NPAS3: variants seen among roughly 807,000 people sequenced by gnomAD.
NPAS3 encodes the protein neuronal PAS domain protein 3.
A neutral mutation model predicts 73.1 loss-of-function variants in NPAS3; 14 were observed. The ratio of observed to expected loss-of-function variants is 0.19; its 90% confidence interval spans 0.13 to 0.30. NPAS3 has a LOEUF of 0.30. Among genes scored for constraint, NPAS3 ranks in the 10% least tolerant of loss-of-function variants. NPAS3 has a pLI of 1.00. For missense variants in NPAS3, 1,096 were observed against 1,250.0 expected (o/e 0.88, Z 1.86); for synonymous variants, 620 against 541.5 (o/e 1.14, Z -2.01).
intron 7 of NPAS3, among the ~76,000 whole-genome samples, chr14:33,754,687 G>C (rs1218310898): frequency 6.6e-6 from 1 of 152,144 alleles, no homozygotes; most frequent in African/African-American, 2.4e-5. Flanking sequence ...CATCTTTACT[G>C]TCCTTAGTCC....
chr14:33,229,663 G>C (rs1594455066), intron 3 of NPAS3, among the ~76,000 whole-genome samples: 1 of 152,194 alleles, frequency 6.6e-6, no homozygotes, highest in African/African-American at 2.4e-5. Context: ...TGTTTTAGCA[G>C]AACAGCTGTT....
intron 2 of NPAS3, among the ~76,000 whole-genome samples, chr14:33,181,606 A>G (rs1169697096): frequency 6.6e-6 from 1 of 152,236 alleles, no homozygotes; most frequent in Non-Finnish European, 1.5e-5. Flanking sequence ...TGGGTAGATG[A>G]TGCCCCATAA....
intron 9 of NPAS3, among the ~76,000 whole-genome samples, chr14:33,791,177 G>T (rs1279300340): frequency 6.6e-6 from 1 of 152,170 alleles, no homozygotes; most frequent in Non-Finnish European, 1.5e-5. Context: ...GTCCTCTTCA[G>T]CCGCCCACGG....
At chr14:33,341,735 C>G (rs1019382542) in intron 3 of NPAS3, among the ~76,000 whole-genome samples, 2 of 152,154 alleles carry the variant, frequency 1.3e-5, no homozygotes, top group African/African-American at 2.4e-5. Flanking sequence ...GTCTTGGGTT[C>G]TGTCTATGTT....
At chr14:33,620,709 C>T (rs1200009234) in intron 5 of NPAS3, among the ~76,000 whole-genome samples, 1 of 152,016 alleles carries the variant, frequency 6.6e-6, no homozygotes, top group South Asian at 2.1e-4. Flanking sequence ...ATGTTTTATG[C>T]CCATTCTTAG....
At chr14:33,304,372 C>T (rs11849170) in intron 3 of NPAS3, among the ~76,000 whole-genome samples, 4,280 of 152,154 alleles carry the variant, frequency 0.028, 160 homozygotes, top group African/African-American at 0.089. Context: ...TTTACAAAGT[C>T]AGCTTAATGT....
chr14:33,246,665 G>GA (rs1256084636), intron 3 of NPAS3, among the ~76,000 whole-genome samples: 8 of 150,874 alleles, frequency 5.3e-5, no homozygotes, highest in African/African-American at 2.0e-4. Context: ...CTTTGGAAGA[G>GA]AATGTGTTGT....
intron 5 of NPAS3, among the ~76,000 whole-genome samples, chr14:33,573,380 G>A (rs771599944): frequency 5.0e-4 from 76 of 152,124 alleles, no homozygotes; most frequent in African/African-American, 1.7e-3. Context: ...ACCAAGCTAC[G>A]ATGACCTACA....
chr14:32,959,636 G>A (rs7146917), intron 1 of NPAS3, among the ~76,000 whole-genome samples: 57,834 of 152,024 alleles, frequency 0.38, 11,497 homozygotes, highest in Middle Eastern at 0.51. Flanking sequence ...CGACTATGAT[G>A]TAAAGGAGTG....
chr14:32,944,994 C>T (rs1446896025), intron 1 of NPAS3, among the ~76,000 whole-genome samples: 2 of 152,086 alleles, frequency 1.3e-5, no homozygotes, highest in South Asian at 2.1e-4. Flanking sequence ...TACCATGGAC[C>T]GTGGTTATGC....
At chr14:33,481,525 AAC>A (rs1185492301) in intron 4 of NPAS3, among the ~76,000 whole-genome samples, 2 of 152,216 alleles carry the variant, frequency 1.3e-5, no homozygotes, top group Non-Finnish European at 2.9e-5. Context: ...GCAAACATAT[AAC>A]ACAGCCCCAA....
intron 2 of NPAS3, among the ~76,000 whole-genome samples, chr14:33,061,032 AGAG>A (rs2041078180): frequency 2.0e-5 from 3 of 152,208 alleles, no homozygotes; most frequent in Non-Finnish European, 4.4e-5. Context: ...AGGGAAGAGA[AGAG>A]GAGAATGAGT....
chr14:33,268,972 C>T (rs1458489284), intron 3 of NPAS3, among the ~76,000 whole-genome samples: 2 of 152,134 alleles, frequency 1.3e-5, no homozygotes, highest in East Asian at 3.9e-4. Flanking sequence ...AGTGAAAGGT[C>T]ATGGCAGACT....
At chr14:33,262,546 T>G (rs999121898) in intron 3 of NPAS3, among the ~76,000 whole-genome samples, 3 of 152,210 alleles carry the variant, frequency 2.0e-5, no homozygotes, top group Non-Finnish European at 4.4e-5. Flanking sequence ...TTACCTTGGA[T>G]ATATTTAATA....
chr14:33,347,171 GAATT>G (rs1164173039), intron 3 of NPAS3, among the ~76,000 whole-genome samples: 10 of 152,272 alleles, frequency 6.6e-5, no homozygotes, highest in Non-Finnish European at 1.5e-4. Flanking sequence ...CTGCTTTTGT[GAATT>G]ATTAACAATC....
At chr14:33,796,065 G>T (rs1261015405) in intron 10 of NPAS3, among the ~76,000 whole-genome samples, 7 of 152,092 alleles carry the variant, frequency 4.6e-5, no homozygotes, top group African/African-American at 1.7e-4. Context: ...GCCATTTACT[G>T]GTATCACCTC....
intron 1 of NPAS3, among the ~76,000 whole-genome samples, chr14:32,948,108 C>G (rs1285598503): frequency 6.6e-6 from 1 of 152,102 alleles, no homozygotes; most frequent in Non-Finnish European, 1.5e-5. Context: ...GAATCTCTTG[C>G]TACCAGCAGT....
intron 2 of NPAS3, among the ~76,000 whole-genome samples, chr14:33,200,481 A>T (rs866912071): frequency 1.2e-4 from 18 of 152,116 alleles, no homozygotes; most frequent in South Asian, 6.2e-4. Context: ...CTTTAATGTC[A>T]CCTGGCTTTA....
At chr14:33,456,567 C>A (rs560785034) in intron 4 of NPAS3, among the ~76,000 whole-genome samples, 1 of 152,148 alleles carries the variant, frequency 6.6e-6, no homozygotes, top group African/African-American at 2.4e-5. Flanking sequence ...AGTACATCCC[C>A]CTTCTGATTA....
Sources: allele counts gnomAD v4.1 joint callset (sites outside exome capture counted in the v4.1 genomes callset), GRCh38; gene constraint gnomAD v4.1.1; transcripts MANE v1.5; gene names NCBI Gene and HGNC (gene_info 2026-07-23, HGNC 2026-07-21).